CCDC91: variants seen among roughly 807,000 people sequenced by gnomAD.
CCDC91 encodes the protein coiled-coil domain-containing protein 91.
Under a neutral mutation model 63.2 loss-of-function variants are expected in CCDC91, and 48 were observed. The observed-to-expected ratio is 0.76, with a 90% CI of 0.60 to 0.97. The LOEUF (loss-of-function observed/expected upper bound fraction) is 0.97, where lower values mean the gene tolerates loss of function less well. Ranked by LOEUF, CCDC91 falls within the 50% of genes least tolerant of loss-of-function variation. The pLI is 0.00. For synonymous variants in CCDC91, 167 were observed against 165.8 expected (o/e 1.01, Z -0.06); for missense variants, 500 against 494.6 (o/e 1.01, Z -0.10).
chr12:28,470,109 T>G (rs1273397610), intron 11 of CCDC91, among the ~76,000 whole-genome samples: 1 of 152,048 alleles, frequency 6.6e-6, no homozygotes, highest in Non-Finnish European at 1.5e-5. Flanking sequence ...AAAAAGCTTC[T>G]GTATGGCAAA....
intron 8 of CCDC91, among the ~76,000 whole-genome samples, chr12:28,398,269 A>G (rs1298302592): frequency 6.6e-6 from 1 of 152,126 alleles, no homozygotes; most frequent in South Asian, 2.1e-4. Context: ...TTCATATAGA[A>G]TGAATTATAT....
chr12:28,260,669 T>TA (rs1946766787), intron 3 of CCDC91, among the ~76,000 whole-genome samples: 1 of 152,020 alleles, frequency 6.6e-6, no homozygotes, highest in African/African-American at 2.4e-5. Context: ...GGTTAGCCAC[T>TA]ATGTCTGTTT....
At chr12:28,241,419 T>G (rs1444620005) in intron 1 of CCDC91, among the ~76,000 whole-genome samples, 1 of 152,202 alleles carries the variant, frequency 6.6e-6, no homozygotes, top group African/African-American at 2.4e-5. Context: ...GAGGGTTTTC[T>G]GCCTTTCCCC....
chr12:28,519,677 A>T (rs893897858), intron 12 of CCDC91, among the ~76,000 whole-genome samples: 2 of 149,534 alleles, frequency 1.3e-5, no homozygotes, highest in South Asian at 4.3e-4. Context: ...CCATTAACTC[A>T]TCATTTACAT....
chr12:28,324,392 T>A (rs1343600819), intron 6 of CCDC91, among the ~76,000 whole-genome samples: 1 of 151,882 alleles, frequency 6.6e-6, no homozygotes, highest in East Asian at 1.9e-4. Context: ...GGTGGGCAAA[T>A]AACCTTTATG....
chr12:28,480,268 C>T (rs1175157369), intron 11 of CCDC91, among the ~76,000 whole-genome samples: 1 of 151,972 alleles, frequency 6.6e-6, no homozygotes, highest in Non-Finnish European at 1.5e-5. Flanking sequence ...AGTCAGAGCT[C>T]ACCTATTTTT....
chr12:28,536,278 A>G (rs1416408418), intron 12 of CCDC91, among the ~76,000 whole-genome samples: 4 of 152,176 alleles, frequency 2.6e-5, no homozygotes, highest in Admixed American at 2.6e-4. Context: ...TATGACATTA[A>G]CTTACGAAAT....
chr12:28,212,087 G>T (rs999336935), intron 1 of CCDC91, among the ~76,000 whole-genome samples: 3 of 152,108 alleles, frequency 2.0e-5, no homozygotes, highest in Admixed American at 6.5e-5. Flanking sequence ...AGAACTTACC[G>T]CAATCCCCAG....
chr12:28,337,248 C>T (rs1942052065), intron 6 of CCDC91, among the ~76,000 whole-genome samples: 1 of 152,036 alleles, frequency 6.6e-6, no homozygotes, highest in South Asian at 2.1e-4. Context: ...ATAATACTTC[C>T]ACCAAATAAC....
chr12:28,367,544 T>G (rs1460602953), intron 7 of CCDC91, among the ~76,000 whole-genome samples: 1 of 152,070 alleles, frequency 6.6e-6, no homozygotes, highest in Non-Finnish European at 1.5e-5. Context: ...CTGGAAGGAG[T>G]GAAGAAAGAA....
intron 8 of CCDC91, among the ~76,000 whole-genome samples, chr12:28,433,474 A>G (rs575004573): frequency 1.3e-5 from 2 of 152,068 alleles, no homozygotes; most frequent in South Asian, 2.1e-4. Context: ...TAAAAAGACT[A>G]TCTTTTCTCC....
At chr12:28,424,849 G>GT (rs934743064) in intron 8 of CCDC91, among the ~76,000 whole-genome samples, 154 of 151,730 alleles carry the variant, frequency 1.0e-3, no homozygotes, top group African/African-American at 3.4e-3. Context: ...TTTACTCTAT[G>GT]TTTTTTTCCG....
At chr12:28,230,797 T>C (rs1335039638) in intron 1 of CCDC91, among the ~76,000 whole-genome samples, 1 of 152,028 alleles carries the variant, frequency 6.6e-6, no homozygotes, top group Non-Finnish European at 1.5e-5. Context: ...CTACATTTTG[T>C]ATTTTTTTGT....
intron 6 of CCDC91, among the ~76,000 whole-genome samples, chr12:28,331,669 G>C (rs1236489893): frequency 6.6e-6 from 1 of 152,128 alleles, no homozygotes. Flanking sequence ...TATTAGCCCT[G>C]ATATGCCTAT....
At chr12:28,452,347 A>G (rs1275390311) in intron 10 of CCDC91, 131 bp from the exon 11 acceptor site, 1 of 516,996 alleles carries the variant, frequency 1.9e-6, no homozygotes, top group Non-Finnish European at 3.4e-6. Flanking sequence ...TTTACTATGC[A>G]TAAAAACAGC....
chr12:28,212,071 C>G (rs1180603148), intron 1 of CCDC91, among the ~76,000 whole-genome samples: 1 of 152,044 alleles, frequency 6.6e-6, no homozygotes, highest in Admixed American at 6.5e-5. Context: ...TTCTGAAATC[C>G]AAGAGAGAAC....
At chr12:28,391,268 G>A in intron 7 of CCDC91, 36 bp from the exon 8 acceptor site, 1 of 1,299,908 alleles carries the variant, frequency 7.7e-7, no homozygotes, top group Non-Finnish European at 1.1e-6. Context: ...CCCAAGTTTT[G>A]TCTGTGATCC....
intron 12 of CCDC91, among the ~76,000 whole-genome samples, chr12:28,499,914 C>T (rs1001258762): frequency 1.8e-4 from 28 of 152,226 alleles, no homozygotes; most frequent in African/African-American, 5.8e-4. Context: ...CTTGAGGAAT[C>T]GCCACACTGT....
chr12:28,456,301 C>T (rs552695970), intron 11 of CCDC91, among the ~76,000 whole-genome samples: 2 of 152,096 alleles, frequency 1.3e-5, no homozygotes, highest in East Asian at 3.9e-4. Flanking sequence ...CAAATCATGC[C>T]GTGTGGTGCT....
Sources: gnomAD v4.1 joint callset for allele counts (sites outside exome capture counted in the v4.1 genomes callset) on GRCh38, gnomAD v4.1.1 for gene constraint, MANE v1.5 for transcripts, NCBI Gene and HGNC (gene_info 2026-07-23, HGNC 2026-07-21) for gene names.